ADAM9: variants seen among roughly 807,000 people sequenced by gnomAD.
ADAM9 encodes disintegrin and metalloproteinase domain-containing protein 9.
A neutral mutation model predicts 108.1 loss-of-function variants in ADAM9; 54 were observed. That is an observed-to-expected ratio of 0.50 (90% CI 0.40 to 0.63). ADAM9 has a LOEUF of 0.63. Ranked by LOEUF, ADAM9 falls within the 20% of genes least tolerant of loss-of-function variation. The pLI, the probability that ADAM9 is intolerant of heterozygous loss-of-function variation, is 0.00. For missense variants in ADAM9, 830 were observed against 997.7 expected (o/e 0.83, Z 2.26); for synonymous variants, 316 against 336.0 (o/e 0.94, Z 0.65).
intron 18 of ADAM9, among the ~76,000 whole-genome samples, chr8:39,087,447 CTATAACTTCACT>C (rs372294025): frequency 2.6e-5 from 4 of 152,282 alleles, no homozygotes; most frequent in African/African-American, 9.6e-5. Context: ...AGTGGATGTG[CTATAACTTCACT>C]TAGCTGTTTT....
chr8:39,036,830 AT>A (rs1490865191), intron 11 of ADAM9, among the ~76,000 whole-genome samples: 2 of 151,094 alleles, frequency 1.3e-5, no homozygotes, highest in Non-Finnish European at 2.9e-5. Flanking sequence ...TGATTTTGTT[AT>A]GCTTTTTAGT....
intron 11 of ADAM9, among the ~76,000 whole-genome samples, chr8:39,040,119 G>A (rs1358336912): frequency 5.3e-5 from 8 of 151,908 alleles, no homozygotes; most frequent in African/African-American, 9.7e-5. Context: ...GTGCAATCTC[G>A]GCTCACTACA....
At chr8:39,033,999 GACA>G (rs1194920047) in intron 11 of ADAM9, among the ~76,000 whole-genome samples, 1 of 152,160 alleles carries the variant, frequency 6.6e-6, no homozygotes, top group African/African-American at 2.4e-5. Context: ...AAAATGGGAC[GACA>G]ACAACAACAA....
chr8:39,022,064 TTGTGTGTGTG>T (rs552684363), intron 8 of ADAM9, among the ~76,000 whole-genome samples: 4 of 141,572 alleles, frequency 2.8e-5, no homozygotes, highest in East Asian at 2.1e-4. Context: ...ATGACAATAT[TTGTGTGTGTG>T]TGTGTGTGTG....
chr8:39,020,879 A>C (rs983232080), intron 7 of ADAM9, among the ~76,000 whole-genome samples: 2 of 102,834 alleles, frequency 1.9e-5, no homozygotes, highest in African/African-American at 7.8e-5. Context: ...TGCTCAACTA[A>C]ATTCTGTTAA....
At chr8:39,016,719 T>A (rs1002416796) in intron 5 of ADAM9, among the ~76,000 whole-genome samples, 1 of 152,254 alleles carries the variant, frequency 6.6e-6, no homozygotes, top group Non-Finnish European at 1.5e-5. Context: ...TAGTTCTATA[T>A]AAGATGAATA....
intron 11 of ADAM9, among the ~76,000 whole-genome samples, chr8:39,032,750 T>C (rs948312637): frequency 4.6e-5 from 7 of 152,218 alleles, no homozygotes; most frequent in Non-Finnish European, 4.4e-5. Context: ...ATCTTCTGCG[T>C]CTGTTACACT....
chr8:39,010,759 C>T (rs80126938), intron 2 of ADAM9, among the ~76,000 whole-genome samples: 3 of 151,996 alleles, frequency 2.0e-5, no homozygotes, highest in South Asian at 2.1e-4. Flanking sequence ...TCTAAGATGC[C>T]ATCAATTGTG....
intron 2 of ADAM9, among the ~76,000 whole-genome samples, chr8:39,009,932 GACAAAA>G (rs1415109885): frequency 0.014 from 208 of 14,612 alleles, no homozygotes; most frequent in South Asian, 0.024. Flanking sequence ...GAGAGAGAGA[GACAAAA>G]ACAAAAACAA....
intron 16 of ADAM9, among the ~76,000 whole-genome samples, chr8:39,079,166 C>G (rs775483991): frequency 6.6e-6 from 1 of 152,194 alleles, no homozygotes; most frequent in Non-Finnish European, 1.5e-5. Context: ...GCCTTACCTG[C>G]GAAGTTTAAC....
chr8:39,035,852 A>G (rs1052965725), intron 11 of ADAM9, among the ~76,000 whole-genome samples: 3 of 152,098 alleles, frequency 2.0e-5, no homozygotes, highest in African/African-American at 7.2e-5. Flanking sequence ...AAAAAAAAGA[A>G]TAATTTCTGA....
At chr8:39,093,077 A>G (rs1839401723) in intron 20 of ADAM9, among the ~76,000 whole-genome samples, 1 of 152,072 alleles carries the variant, frequency 6.6e-6, no homozygotes, top group South Asian at 2.1e-4. Context: ...AGATTGGTTT[A>G]GTGATTCTGG....
At chr8:39,097,361 C>T (rs1343020603) in intron 20 of ADAM9, among the ~76,000 whole-genome samples, 1 of 150,912 alleles carries the variant, frequency 6.6e-6, no homozygotes, top group Non-Finnish European at 1.5e-5. Context: ...GGCTGGAGTG[C>T]AGTGGTGCCA....
intron 9 of ADAM9, 140 bp from the exon 10 acceptor site, chr8:39,025,663 A>G (rs2129434334): frequency 2.7e-6 from 2 of 731,524 alleles, no homozygotes; most frequent in Non-Finnish European, 2.3e-6. Context: ...GTATATTCTG[A>G]TTTTAGAATT....
intron 15 of ADAM9, among the ~76,000 whole-genome samples, chr8:39,076,590 A>T (rs1266759535): frequency 2.6e-5 from 4 of 152,240 alleles, no homozygotes; most frequent in African/African-American, 4.8e-5. Flanking sequence ...ATCTCAGTAC[A>T]GCATCATAAG....
At chr8:39,064,851 G>T (rs1588401364) in intron 14 of ADAM9, among the ~76,000 whole-genome samples, 1 of 152,166 alleles carries the variant, frequency 6.6e-6, no homozygotes. Context: ...TCACAGTTTT[G>T]AAGGCATTGC....
intron 12 of ADAM9, among the ~76,000 whole-genome samples, chr8:39,053,161 T>C (rs1838011541): frequency 6.6e-6 from 1 of 152,200 alleles, no homozygotes; most frequent in South Asian, 2.1e-4. Flanking sequence ...TCAACTCTTT[T>C]CCCTCATTTA....
chr8:39,067,127 C>T (rs2129440754), intron 14 of ADAM9, among the ~76,000 whole-genome samples: 1 of 152,256 alleles, frequency 6.6e-6, no homozygotes, highest in African/African-American at 2.4e-5. Flanking sequence ...GTTTTGGTAC[C>T]AGTACCATGC....
In ADAM9 at chr8:39,091,162, T is replaced by A. The variant is rs1036748244; in HGVS notation, c.2211-97T>A. The A allele has an allele frequency of 3.5e-6, 4 of 1,153,182 alleles. No homozygotes were observed. In the African/African-American group the frequency reaches 4.6e-5, roughly 13 times the overall value. The allele number at this position is 1,153,182 out of a possible 1,614,324, so 71.4% of individuals were successfully genotyped here. On this transcript the variant is annotated intron_variant, in intron 19 of 21. Coordinates refer to ENST00000487273, the MANE Select transcript of ADAM9 (RefSeq NM_003816.3). ...ATTATCATCCCCACCACTACCAACA[T>A]CATTATTCTGTATTTGGGAAAATGC...
Sources: gnomAD v4.1 joint callset for allele counts (sites outside exome capture counted in the v4.1 genomes callset) on GRCh38, gnomAD v4.1.1 for gene constraint, MANE v1.5 for transcripts, NCBI Gene and HGNC (gene_info 2026-07-23, HGNC 2026-07-21) for gene names.